Variants in MICAL2 observed in about 807,000 individuals in gnomAD.
MICAL2 encodes the protein microtubule associated monooxygenase, calponin and LIM domain containing 2, also known as [F-actin]-monooxygenase MICAL2.
In MICAL2, 77 loss-of-function variants were observed where a neutral mutation model predicts 127.3. The observed-to-expected ratio is 0.60, with a 90% CI of 0.50 to 0.73. The LOEUF (loss-of-function observed/expected upper bound fraction) is 0.73. Among genes scored for constraint, MICAL2 ranks in the 30% least tolerant of loss-of-function variants. MICAL2 has a pLI of 0.00. For missense variants in MICAL2, 1,351 were observed against 1,434.4 expected (o/e 0.94, Z 0.94); for synonymous variants, 570 against 551.1 (o/e 1.03, Z -0.48).
At chr11:12,166,906 T>G (rs1855570646) in intron 3 of MICAL2, among the ~76,000 whole-genome samples, 1 of 152,036 alleles carries the variant, frequency 6.6e-6, no homozygotes, top group Non-Finnish European at 1.5e-5. Context: ...AGTGCATATA[T>G]TCTAGGGAGA....
At chr11:12,289,302 G>T (rs1863864175), downstream of MICAL2, among the ~76,000 whole-genome samples, 1 of 152,206 alleles carries the variant, frequency 6.6e-6, no homozygotes. Flanking sequence ...GGCAGCCCCC[G>T]GTGGGCCATA....
intron 26 of MICAL2, chr11:12,261,834 T>C (rs1300599962): frequency 1.0e-6 from 1 of 985,602 alleles, no homozygotes; most frequent in Non-Finnish European, 1.2e-6. Context: ...TTTTCTCCAA[T>C]TTTTGCTGGG....
At chr11:12,147,539 A>G (rs757436727) in intron 2 of MICAL2, among the ~76,000 whole-genome samples, 4 of 152,250 alleles carry the variant, frequency 2.6e-5, no homozygotes, top group Non-Finnish European at 4.4e-5. Context: ...AAATAAATTT[A>G]AAAATCTGCC....
At chr11:12,283,578 A>T (rs921460029) in intron 2 of MICAL2, among the ~76,000 whole-genome samples, 7 of 152,224 alleles carry the variant, frequency 4.6e-5, no homozygotes, top group Admixed American at 3.9e-4. Context: ...AGCCAGTCAT[A>T]AAAGGACATA....
chr11:12,206,836 A>G (rs1054545318), intron 4 of MICAL2, among the ~76,000 whole-genome samples: 6 of 151,220 alleles, frequency 4.0e-5, no homozygotes, highest in African/African-American at 7.3e-5. Flanking sequence ...TCCAATTCCA[A>G]TCCCTCTGGC....
chr11:12,255,904 G>A, intron 23 of MICAL2, 154 bp downstream of exon 23: 1 of 591,230 alleles, frequency 1.7e-6, no homozygotes, highest in South Asian at 2.4e-5. Context: ...CAGGGCAGAA[G>A]TTAAAAGGAG....
At chr11:12,119,475 G>A (rs1850324556) in intron 1 of MICAL2, among the ~76,000 whole-genome samples, 1 of 152,196 alleles carries the variant, frequency 6.6e-6, no homozygotes, top group Non-Finnish European at 1.5e-5. Context: ...CTTAAATTCA[G>A]CAGACAGTTG....
intron 1 of MICAL2, among the ~76,000 whole-genome samples, chr11:12,276,950 GA>G (rs1315899393): frequency 6.6e-6 from 1 of 152,154 alleles, no homozygotes; most frequent in African/African-American, 2.4e-5. Flanking sequence ...GGGTGGCCAG[GA>G]AAAGGCCTCT....
At chr11:12,293,857 A>G, downstream of MICAL2, 1 of 1,608,516 alleles carries the variant, frequency 6.2e-7, no homozygotes, top group Non-Finnish European at 8.5e-7. Flanking sequence ...GGAGCTGGAC[A>G]GGGCAAGAGC....
chr11:12,356,194 A>G (rs778295909), intron 34 of MICAL2, among the ~76,000 whole-genome samples: 4 of 152,182 alleles, frequency 2.6e-5, no homozygotes, highest in Admixed American at 6.5e-5. Flanking sequence ...ACCCTGTCAG[A>G]TGTATCCAAA....
intron 6 of MICAL2, among the ~76,000 whole-genome samples, chr11:12,211,473 C>A (rs1213126022): frequency 1.3e-5 from 2 of 152,186 alleles, no homozygotes; most frequent in Non-Finnish European, 2.9e-5. Flanking sequence ...GGCTGGAGTA[C>A]ATGGTGAGCA....
intron 32 of MICAL2, among the ~76,000 whole-genome samples, chr11:12,336,280 C>T (rs1211199642): frequency 2.6e-5 from 4 of 151,996 alleles, no homozygotes; most frequent in Non-Finnish European, 5.9e-5. Flanking sequence ...ATAAGAATGT[C>T]TGTGATTTTT....
At chr11:12,197,679 C>T (rs1484070729) in intron 3 of MICAL2, 1 of 152,166 alleles carries the variant, frequency 6.6e-6, no homozygotes, top group African/African-American at 2.4e-5. Flanking sequence ...GGTACAAGCC[C>T]TGAGGATTGT....
intron 10 of MICAL2, among the ~76,000 whole-genome samples, chr11:12,222,271 G>A (rs1311903181): frequency 6.6e-6 from 1 of 152,204 alleles, no homozygotes; most frequent in Non-Finnish European, 1.5e-5. Context: ...AATCTTGGGT[G>A]TGGAAGCCTG....
chr11:12,314,589 C>G (rs1242487399), intron 29 of MICAL2, among the ~76,000 whole-genome samples: 1 of 151,776 alleles, frequency 6.6e-6, no homozygotes, highest in Non-Finnish European at 1.5e-5. Context: ...CGCCATTCCC[C>G]TGCCTCAGCC....
chr11:12,134,407 G>A (rs1269348818), intron 1 of MICAL2, among the ~76,000 whole-genome samples: 2 of 152,128 alleles, frequency 1.3e-5, no homozygotes, highest in African/African-American at 2.4e-5. Flanking sequence ...TGGGTCTGAG[G>A]CTCCGTTCTC....
At chr11:12,235,164 C>T (rs778474302) in intron 15 of MICAL2, among the ~76,000 whole-genome samples, 10 of 152,110 alleles carry the variant, frequency 6.6e-5, no homozygotes, top group Admixed American at 1.3e-4. Context: ...CCTAGCCCAG[C>T]GACAAGGGTA....
At chr11:12,348,839 T>C (rs1938998859) in intron 32 of MICAL2, among the ~76,000 whole-genome samples, 1 of 152,200 alleles carries the variant, frequency 6.6e-6, no homozygotes, top group Non-Finnish European at 1.5e-5. Context: ...GTTATGAGGA[T>C]TAAATTAGGT....
chr11:12,322,284 AC>A (rs1195741540), intron 30 of MICAL2, among the ~76,000 whole-genome samples: 1 of 152,174 alleles, frequency 6.6e-6, no homozygotes, highest in African/African-American at 2.4e-5. Context: ...GATGACAGTT[AC>A]CATTGATCCC....
Sources: allele counts gnomAD v4.1 joint callset (sites outside exome capture counted in the v4.1 genomes callset), GRCh38; gene constraint gnomAD v4.1.1; transcripts MANE v1.5; gene names NCBI Gene and HGNC (gene_info 2026-07-23, HGNC 2026-07-21).